LY96: variants seen among roughly 807,000 people sequenced by gnomAD.
LY96 encodes the protein lymphocyte antigen 96, also known as myeloid differentiation protein-2.
A neutral mutation model predicts 18.9 loss-of-function variants in LY96; 18 were observed. That is an observed-to-expected ratio of 0.95 (90% CI 0.66 to 1.41). The LOEUF (loss-of-function observed/expected upper bound fraction) is 1.41, where lower values mean the gene tolerates loss of function less well. Among genes scored for constraint, LY96 ranks in the 40% most tolerant of loss-of-function variants. LY96 has a pLI of 0.00. For missense variants in LY96, 175 were observed against 182.4 expected, an observed-to-expected ratio of 0.96 and a Z score of 0.23; for synonymous variants, 66 against 62.6, an observed-to-expected ratio of 1.06 and a Z score of -0.26.
intron 2 of LY96, among the ~76,000 whole-genome samples, chr8:74,008,969 G>T (rs1424223329): frequency 6.6e-6 from 1 of 152,190 alleles, no homozygotes; most frequent in East Asian, 1.9e-4. Context: ...GTTCTGTTAA[G>T]CATAGCCAAG....
At chr8:74,022,485 A>G (rs887817224) in intron 3 of LY96, among the ~76,000 whole-genome samples, 3 of 151,690 alleles carry the variant, frequency 2.0e-5, no homozygotes, top group Admixed American at 2.0e-4. Context: ...AAAGGGTTCT[A>G]TCCAACAGAA....
the LY96 span, among the ~76,000 whole-genome samples, chr8:74,080,097 C>T: frequency 2.6e-5 from 4 of 152,098 alleles, no homozygotes; most frequent in Admixed American, 6.5e-5. Flanking sequence ...GAAGGGAAAG[C>T]GTACATTGCA....
At chr8:74,035,768 C>T in the LY96 span, among the ~76,000 whole-genome samples, 1 of 152,242 alleles carries the variant, frequency 6.6e-6, no homozygotes, top group South Asian at 2.1e-4. Context: ...AACCTGTTGT[C>T]ATAACCCAGA....
the LY96 span, among the ~76,000 whole-genome samples, chr8:74,087,687 G>A: frequency 1.3e-5 from 2 of 152,216 alleles, no homozygotes; most frequent in Non-Finnish European, 2.9e-5. Context: ...GGTGTGAAAA[G>A]TGAGACTTCC....
At chr8:74,078,211 A>C in the LY96 span, among the ~76,000 whole-genome samples, 1 of 152,180 alleles carries the variant, frequency 6.6e-6, no homozygotes, top group Non-Finnish European at 1.5e-5. Context: ...AGTAAACTCA[A>C]TTTTGAGTAT....
At chr8:74,069,987 C>T in the LY96 span, among the ~76,000 whole-genome samples, 1 of 152,182 alleles carries the variant, frequency 6.6e-6, no homozygotes, top group South Asian at 2.1e-4. Context: ...TTCTTCTACA[C>T]TTCTTAGTTG....
intron 3 of LY96, among the ~76,000 whole-genome samples, chr8:74,022,581 CTTTTTTTT>C (rs769379029): frequency 7.5e-6 from 1 of 133,146 alleles, no homozygotes; most frequent in Admixed American, 7.5e-5. Context: ...TTCTTTTTTT[CTTTTTTTT>C]TTTTTTTGTG....
chr8:74,023,740 G>GC, intron 3 of LY96, among the ~76,000 whole-genome samples: 2 of 152,296 alleles, frequency 1.3e-5, no homozygotes, highest in Admixed American at 1.3e-4. Flanking sequence ...CTGGGGTTGA[G>GC]CAGGGAAAGA....
intron 3 of LY96, among the ~76,000 whole-genome samples, chr8:74,012,235 C>T (rs899177442): frequency 2.0e-5 from 3 of 152,180 alleles, no homozygotes; most frequent in African/African-American, 7.2e-5. Context: ...GATACCTGCA[C>T]TCATATGTTT....
chr8:74,038,002 A>T, the LY96 span, among the ~76,000 whole-genome samples: 38,694 of 152,050 alleles, frequency 0.25, 5,935 homozygotes, highest in African/African-American at 0.43. Flanking sequence ...TTTAAAAAAA[A>T]TTTTTAATTT....
the LY96 span, among the ~76,000 whole-genome samples, chr8:74,049,469 C>T: frequency 6.6e-6 from 1 of 152,118 alleles, no homozygotes; most frequent in Non-Finnish European, 1.5e-5. Flanking sequence ...TGAGATTTGA[C>T]ATAATAGCAT....
At chr8:74,054,283 C>T in the LY96 span, among the ~76,000 whole-genome samples, 1 of 151,582 alleles carries the variant, frequency 6.6e-6, no homozygotes, top group East Asian at 2.0e-4. Context: ...CACCTTAAGC[C>T]TTCCAAAGTA....
chr8:74,067,719 T>C, the LY96 span, among the ~76,000 whole-genome samples: 1 of 151,976 alleles, frequency 6.6e-6, no homozygotes, highest in South Asian at 2.1e-4. Context: ...AGGTTAATGC[T>C]GAGTTTTGAA....
chr8:74,007,956 C>T (rs1357612911), intron 2 of LY96, among the ~76,000 whole-genome samples: 10 of 152,312 alleles, frequency 6.6e-5, no homozygotes, highest in East Asian at 3.9e-4. Context: ...GACAGGGTTT[C>T]GCCATGTTGG....
At chr8:74,054,672 C>CTTTA in the LY96 span, among the ~76,000 whole-genome samples, 4 of 125,324 alleles carry the variant, frequency 3.2e-5, no homozygotes, top group East Asian at 2.5e-4. Context: ...TTCTTTCTTT[C>CTTTA]TTTTTATTTG....
At chr8:74,071,478 T>TAA in the LY96 span, among the ~76,000 whole-genome samples, 2 of 151,264 alleles carry the variant, frequency 1.3e-5, no homozygotes, top group African/African-American at 4.9e-5. Flanking sequence ...CCTTTTGTAA[T>TAA]AAAAAAAAAT....
At chr8:74,059,838 T>C in the LY96 span, among the ~76,000 whole-genome samples, 1 of 152,202 alleles carries the variant, frequency 6.6e-6, no homozygotes, top group African/African-American at 2.4e-5. Flanking sequence ...TTTTGTTACA[T>C]CCAAAACTTC....
chr8:74,093,554 A>G, the LY96 span, among the ~76,000 whole-genome samples: 12 of 152,232 alleles, frequency 7.9e-5, no homozygotes, highest in African/African-American at 2.9e-4. Context: ...CACAGTGTAG[A>G]GTTCTTCAGT....
downstream of LY96, among the ~76,000 whole-genome samples, chr8:74,033,384 G>A (rs111912523): frequency 7.5e-3 from 1,136 of 152,324 alleles, 9 homozygotes; most frequent in Non-Finnish European, 0.012. Flanking sequence ...TAATGAGAAT[G>A]CTACGTTGCC....
Sources: allele counts gnomAD v4.1 joint callset (sites outside exome capture counted in the v4.1 genomes callset), GRCh38; gene constraint gnomAD v4.1.1; transcripts MANE v1.5; gene names NCBI Gene and HGNC (gene_info 2026-07-23, HGNC 2026-07-21).